Variants in SLC2A13 observed in about 807,000 individuals in gnomAD.
The protein encoded by SLC2A13 is proton myo-inositol cotransporter.
SLC2A13 carries 32 observed loss-of-function variants against 64.4 expected under a neutral mutation model. That is an observed-to-expected ratio of 0.50 (90% CI 0.37 to 0.67). The LOEUF (loss-of-function observed/expected upper bound fraction) is 0.67. SLC2A13 is among the 30% of genes least tolerant of loss of function. SLC2A13 has a pLI of 0.00. For missense variants in SLC2A13, 743 were observed against 829.2 expected (o/e 0.90, Z 1.28); for synonymous variants, 338 against 327.1 (o/e 1.03, Z -0.36).
chr12:40,029,953 C>T (rs1335193036), intron 2 of SLC2A13, among the ~76,000 whole-genome samples: 4 of 152,154 alleles, frequency 2.6e-5, no homozygotes, highest in African/African-American at 9.7e-5. Context: ...TATTATAATA[C>T]ATTATTTAGC....
At chr12:39,856,650 A>G (rs1460957187) in intron 6 of SLC2A13, among the ~76,000 whole-genome samples, 1 of 152,208 alleles carries the variant, frequency 6.6e-6, no homozygotes, top group Non-Finnish European at 1.5e-5. Flanking sequence ...TACAGGCATG[A>G]GCCACTGCGC....
chr12:39,760,069 C>T lies in SLC2A13; in HGVS notation c.1904G>A (p.Ser635Asn), dbSNP rs1263841013. 2 of 1,612,744 alleles carry T rather than the reference C, an allele frequency of 1.2e-6. No homozygotes were observed. The highest frequency in any genetic ancestry group is 1.7e-6 in the Non-Finnish European group (2 of 1,179,242). The change falls in exon 10 of 10, where the codon AGT becomes AAT. Residue 635 changes from serine to asparagine, a missense_variant. By Grantham distance (46) the Ser-to-Asn change is conservative. Transcript: ENST00000280871. ...RYIEYIRVKG[S>N]NYHLSDNDAS... ...ATCATTGTCAGAAAGATGATAGTTA[C>T]TTCCCTTTACCCGAATATATTCAAT... is the stretch of plus-strand genomic sequence containing the variant.
chr12:39,816,538 C>A (rs1441797463), intron 7 of SLC2A13, among the ~76,000 whole-genome samples: 2 of 150,286 alleles, frequency 1.3e-5, no homozygotes, highest in Non-Finnish European at 3.0e-5. Flanking sequence ...ATGTAACAAA[C>A]CTGCACGTTG....
chr12:40,024,370 T>C (rs1488402194), intron 3 of SLC2A13, among the ~76,000 whole-genome samples: 1 of 152,236 alleles, frequency 6.6e-6, no homozygotes, highest in Non-Finnish European at 1.5e-5. Flanking sequence ...TTTGTAGCTA[T>C]GATCAAAACT....
intron 3 of SLC2A13, among the ~76,000 whole-genome samples, chr12:39,998,872 T>G (rs1947277587): frequency 6.6e-6 from 1 of 152,154 alleles, no homozygotes; most frequent in Non-Finnish European, 1.5e-5. Context: ...AATCTCATCT[T>G]GAATTCCCAC....
chr12:39,932,843 G>T (rs1362067823), intron 4 of SLC2A13, among the ~76,000 whole-genome samples: 1 of 151,674 alleles, frequency 6.6e-6, no homozygotes, highest in Non-Finnish European at 1.5e-5. Context: ...AAAAAGCTGG[G>T]GCAGTTAAGT....
intron 4 of SLC2A13, among the ~76,000 whole-genome samples, chr12:39,899,164 T>C (rs1304176947): frequency 1.3e-5 from 2 of 152,132 alleles, no homozygotes; most frequent in Non-Finnish European, 2.9e-5. Context: ...TCAGAGCCTG[T>C]TATTGGTCTA....
chr12:40,060,343 C>A (rs1948399732), intron 1 of SLC2A13, among the ~76,000 whole-genome samples: 1 of 152,096 alleles, frequency 6.6e-6, no homozygotes, highest in African/African-American at 2.4e-5. Flanking sequence ...TCTTTTGTTA[C>A]ATTTGTCATG....
intron 2 of SLC2A13, among the ~76,000 whole-genome samples, chr12:40,045,550 G>C (rs956477865): frequency 6.7e-6 from 1 of 150,010 alleles, no homozygotes; most frequent in East Asian, 1.9e-4. Flanking sequence ...CTAGATAACA[G>C]AAGACAATAA....
At chr12:40,059,777 T>A (rs879564611) in intron 1 of SLC2A13, among the ~76,000 whole-genome samples, 1 of 152,124 alleles carries the variant, frequency 6.6e-6, no homozygotes, top group Non-Finnish European at 1.5e-5. Context: ...ACTAACAGAA[T>A]GAATGAGGAA....
At chr12:40,010,957 G>A (rs1947521169) in intron 3 of SLC2A13, among the ~76,000 whole-genome samples, 1 of 152,164 alleles carries the variant, frequency 6.6e-6, no homozygotes. Flanking sequence ...AGTGTGAGAT[G>A]TAGAGGCCCT....
At chr12:39,966,990 T>C (rs1329342722) in intron 3 of SLC2A13, among the ~76,000 whole-genome samples, 1 of 152,146 alleles carries the variant, frequency 6.6e-6, no homozygotes, top group African/African-American at 2.4e-5. Context: ...AATCTACATA[T>C]GGCTGTTTTA....
chr12:39,979,270 C>T (rs1946838714), intron 3 of SLC2A13, among the ~76,000 whole-genome samples: 1 of 139,280 alleles, frequency 7.2e-6, no homozygotes, highest in African/African-American at 2.7e-5. Flanking sequence ...GAGCGCCTCT[C>T]CTCCTCCAAA....
intron 5 of SLC2A13, among the ~76,000 whole-genome samples, chr12:39,869,644 T>G (rs1943992364): frequency 6.6e-6 from 1 of 152,136 alleles, no homozygotes; most frequent in South Asian, 2.1e-4. Context: ...CCCTGGTGTT[T>G]CCCGAGGAAT....
chr12:39,791,376 C>T (rs1478899753), intron 7 of SLC2A13, among the ~76,000 whole-genome samples: 2 of 59,296 alleles, frequency 3.4e-5, no homozygotes, highest in Non-Finnish European at 6.7e-5. Flanking sequence ...CTGGCCAGGG[C>T]AATCAGGCAG....
At chr12:39,895,042 T>G (rs1174038679) in intron 4 of SLC2A13, among the ~76,000 whole-genome samples, 1 of 151,986 alleles carries the variant, frequency 6.6e-6, no homozygotes, top group African/African-American at 2.4e-5. Flanking sequence ...GCAGTGGAAC[T>G]TTTTGTTTTT....
intron 3 of SLC2A13, among the ~76,000 whole-genome samples, chr12:39,971,983 G>GAAAAAAAAA (rs1174701447): frequency 1.3e-4 from 12 of 95,804 alleles, no homozygotes; most frequent in Non-Finnish European, 2.0e-4. Context: ...AGTGTCTCCA[G>GAAAAAAAAA]AAAAAAAAAA....
At chr12:40,024,298 T>A (rs531176800) in intron 3 of SLC2A13, among the ~76,000 whole-genome samples, 6 of 152,374 alleles carry the variant, frequency 3.9e-5, no homozygotes, top group African/African-American at 1.2e-4. Context: ...CTTGGGAACC[T>A]GAGATAAAAG....
intron 3 of SLC2A13, among the ~76,000 whole-genome samples, chr12:39,974,219 C>G (rs1946723231): frequency 6.6e-6 from 1 of 152,192 alleles, no homozygotes; most frequent in South Asian, 2.1e-4. Flanking sequence ...GATCCCAGAA[C>G]TGATAACTAC....
Sources: allele counts gnomAD v4.1 joint callset (sites outside exome capture counted in the v4.1 genomes callset), GRCh38; gene constraint gnomAD v4.1.1; transcripts MANE v1.5; gene names NCBI Gene and HGNC (gene_info 2026-07-23, HGNC 2026-07-21).